Variants in GSDME observed in about 807,000 individuals in gnomAD.
GSDME encodes the protein gasdermin-E.
In GSDME, 44 loss-of-function variants were observed where a neutral mutation model predicts 47.5. That is an observed-to-expected ratio of 0.93 (90% CI 0.73 to 1.19). GSDME has a LOEUF of 1.19. Ranked by LOEUF, GSDME falls within the 50% of genes most tolerant of loss-of-function variation. GSDME has a pLI of 0.00. For synonymous variants in GSDME, 258 were observed against 252.8 expected (o/e 1.02, Z -0.20); for missense variants, 663 against 604.2 (o/e 1.10, Z -1.02).
chr7:24,766,661 C>T, the GSDME span, among the ~76,000 whole-genome samples: 4 of 152,302 alleles, frequency 2.6e-5, no homozygotes, highest in Non-Finnish European at 4.4e-5. This position sits in a 1 kb window ranked among gnomAD's most constrained non-coding sequence, Gnocchi z 4.2. Context: ...ACATAGTATT[C>T]CATGGTGTAT....
chr7:24,791,001 T>C, the GSDME span, among the ~76,000 whole-genome samples: 1 of 152,178 alleles, frequency 6.6e-6, no homozygotes, highest in Non-Finnish European at 1.5e-5. This position sits in a 1 kb window ranked among gnomAD's most constrained non-coding sequence, Gnocchi z 4.8. Flanking sequence ...TGGCCATGCA[T>C]GGACCAGTCA....
the GSDME span, among the ~76,000 whole-genome samples, chr7:24,794,740 G>C: frequency 1.3e-5 from 2 of 152,018 alleles, no homozygotes; most frequent in African/African-American, 4.8e-5. Flanking sequence ...AATGGGGTAG[G>C]CTTACTTTGT....
At chr7:24,779,126 C>T in the GSDME span, among the ~76,000 whole-genome samples, 1 of 152,152 alleles carries the variant, frequency 6.6e-6, no homozygotes, top group Non-Finnish European at 1.5e-5. This position sits in a 1 kb window ranked among gnomAD's most constrained non-coding sequence, Gnocchi z 6.0. Flanking sequence ...ACATACGAGG[C>T]TATGACTCTT....
Position 24,749,637 on chromosome 7 carries a change from C to A in GSDME, c.138G>T (p.Trp46Cys), listed in dbSNP as rs747192368. 4 of 1,613,930 alleles carry A rather than the reference C, an allele frequency of 2.5e-6. No homozygotes were observed. The highest frequency in any genetic ancestry group is 2.5e-6 in the Non-Finnish European group (3 of 1,180,030). ...ATAAAAACTGGTACTTGGGTCTCTG[C>A]CAGCACCAGAATCTCTTCTTTTTTG... ...LVTKKKRFWC[W>C]QRPKYQFLSL... The change falls in exon 2 of 10, where the codon TGG (tryptophan) becomes TGT (cysteine). Residue 46 changes from tryptophan (W) to cysteine (C), a missense_variant. By Grantham distance (215) the Trp-to-Cys change is radical. Transcript: ENST00000645220.
chr7:24,713,368 G>A (rs902878071), intron 5 of GSDME, among the ~76,000 whole-genome samples: 1 of 152,174 alleles, frequency 6.6e-6, no homozygotes, highest in African/African-American at 2.4e-5. Flanking sequence ...CCTGCTACAG[G>A]GAGAAGGGTG....
At chr7:24,758,168 G>A (rs144717295), upstream of GSDME, 1 of 152,228 alleles carries the variant, frequency 6.6e-6, no homozygotes, top group Non-Finnish European at 1.5e-5. The surrounding 1 kb of genome is among the most constrained non-coding windows in gnomAD (Gnocchi z 4.6). Context: ...AGCTGAAACC[G>A]ATTAACCATT....
At chr7:24,700,776 A>G (rs887117751) in intron 9 of GSDME, among the ~76,000 whole-genome samples, 8 of 152,244 alleles carry the variant, frequency 5.3e-5, no homozygotes, top group African/African-American at 1.7e-4. Context: ...CTTTAAGCAC[A>G]GCATCACACC....
chr7:24,698,891 C>T lies in GSDME; in HGVS notation c.*135G>A. On this transcript the variant is annotated 3_prime_UTR_variant, in exon 10 of 10. Coordinates refer to ENST00000645220, the MANE Select transcript of GSDME (RefSeq NM_001127453.2). Reference sequence around the variant, plus strand: ...GGTGGCTAAAAGTCAGGTCATTCATCATGCAAAATGTCACCACTTCTTAAA... The same window carrying T: ...GGTGGCTAAAAGTCAGGTCATTCATTATGCAAAATGTCACCACTTCTTAAA... 1 of 742,968 alleles carries T rather than the reference C, an allele frequency of 1.3e-6. No homozygotes were observed. Among genetic ancestry groups the T allele is most frequent in the South Asian group, 1.5e-5 (1 of 65,760 alleles). The allele number at this position is 742,968 out of a possible 1,614,324, so 46.0% of individuals were successfully genotyped here. A position where few individuals can be genotyped will look rare whatever the true frequency, so the allele number is the denominator to read the frequency against.
chr7:24,791,839 T>C, the GSDME span, among the ~76,000 whole-genome samples: 1 of 152,190 alleles, frequency 6.6e-6, no homozygotes, highest in African/African-American at 2.4e-5. The surrounding 1 kb of genome is among the most constrained non-coding windows in gnomAD (Gnocchi z 4.8). Context: ...CTGCATCCCT[T>C]CAGGTCTCCA....
intron 4 of GSDME, among the ~76,000 whole-genome samples, chr7:24,718,305 C>T (rs144161393): frequency 1.1e-3 from 169 of 152,352 alleles, no homozygotes; most frequent in African/African-American, 3.8e-3. Flanking sequence ...AAGAAAATAT[C>T]AGCCACCATG....
chr7:24,772,058 G>T, the GSDME span, among the ~76,000 whole-genome samples: 1 of 152,184 alleles, frequency 6.6e-6, no homozygotes, highest in Admixed American at 6.5e-5. This position sits in a 1 kb window ranked among gnomAD's most constrained non-coding sequence, Gnocchi z 4.5. Context: ...CGAGCTTTGG[G>T]TATCCCACGC....
upstream of GSDME, among the ~76,000 whole-genome samples, chr7:24,761,840 G>A (rs920917761): frequency 1.1e-4 from 16 of 152,202 alleles, no homozygotes; most frequent in African/African-American, 2.9e-4. This position sits in a 1 kb window ranked among gnomAD's most constrained non-coding sequence, Gnocchi z 4.4. Flanking sequence ...CACCCAGAAC[G>A]TAATTTCCAC....
chr7:24,727,128 TG>T (rs1280641482), intron 3 of GSDME, among the ~76,000 whole-genome samples: 1 of 152,194 alleles, frequency 6.6e-6, no homozygotes, highest in Non-Finnish European at 1.5e-5. Flanking sequence ...AGTGTCTGCT[TG>T]GACATGGGAG....
chr7:24,706,278 C>CT lies in GSDME; in HGVS notation c.1088_1089insA (p.Cys365ValfsTer35). 1 of 1,614,190 alleles carries CT rather than the reference C, an allele frequency of 6.2e-7. No homozygotes were observed. The highest frequency in any genetic ancestry group is 1.3e-5 in the African/African-American group (1 of 75,062). On this transcript the variant is annotated frameshift_variant, in exon 8 of 10. Coordinates refer to ENST00000645220, the MANE Select transcript of GSDME (RefSeq NM_001127453.2). LOFTEE classifies it high-confidence loss of function. ...GACACCCACCCTGTAAGCTGCACCCCACCAGCTGCAGGAAGGCCACAAGGT... is the reference window on the plus strand; with the variant it reads ...GACACCCACCCTGTAAGCTGCACCCCTACCAGCTGCAGGAAGGCCACAAGGT...
the GSDME span, among the ~76,000 whole-genome samples, chr7:24,777,618 T>C: frequency 2.0e-5 from 3 of 151,430 alleles, no homozygotes; most frequent in African/African-American, 7.3e-5. Context: ...TAACCCCAGA[T>C]CATTAGCTTA....
chr7:24,713,002 G>A (rs1249642994), intron 5 of GSDME, among the ~76,000 whole-genome samples: 2 of 144,884 alleles, frequency 1.4e-5, no homozygotes, highest in East Asian at 4.1e-4. Flanking sequence ...TGGGCAACAA[G>A]AGTGAAACTC....
chr7:24,770,448 A>G, the GSDME span, among the ~76,000 whole-genome samples: 5 of 152,190 alleles, frequency 3.3e-5, no homozygotes, highest in African/African-American at 1.2e-4. This position sits in a 1 kb window ranked among gnomAD's most constrained non-coding sequence, Gnocchi z 4.6. Flanking sequence ...ACCTGAGGAG[A>G]AAGTCGTGAG....
Position 24,749,918 on chromosome 7 carries a change from G to C in GSDME, c.-19-125C>G, listed in dbSNP as rs1584108546. On this transcript the variant is annotated intron_variant, in intron 1 of 9. Coordinates refer to ENST00000645220, the MANE Select transcript of GSDME (RefSeq NM_001127453.2). ...ATGAAAGAATATCTTCTTCCTAGAA[G>C]ACCCTCTAGTTTGACTTTAGCTGAT... The C allele has an allele frequency of 6.0e-6, 4 of 661,272 alleles. No homozygotes were observed. In the East Asian group the frequency reaches 1.1e-4, roughly 18 times the overall value. The allele number at this position is 661,272 out of a possible 1,614,324, so 41.0% of individuals were successfully genotyped here.
At chr7:24,738,880 G>A (rs1790395071) in intron 3 of GSDME, among the ~76,000 whole-genome samples, 1 of 152,094 alleles carries the variant, frequency 6.6e-6, no homozygotes, top group Admixed American at 6.6e-5. Flanking sequence ...CATACATTGG[G>A]GAAAGGATAG....
Sources: gnomAD v4.1 joint callset for allele counts (sites outside exome capture counted in the v4.1 genomes callset) on GRCh38, gnomAD v4.1.1 for gene constraint, Gnocchi (gnomAD v3.1) non-coding constraint, MANE v1.5 for transcripts, NCBI Gene and HGNC (gene_info 2026-07-23, HGNC 2026-07-21) for gene names.